Variants in C6orf132 observed in about 807,000 individuals in gnomAD.
C6orf132 encodes uncharacterized protein C6orf132.
Under a neutral mutation model 65.3 loss-of-function variants are expected in C6orf132, and 43 were observed. The observed-to-expected ratio is 0.66, with a 90% confidence interval of 0.52 to 0.85. The LOEUF is 0.85. Ranked by LOEUF, C6orf132 falls within the 40% of genes least tolerant of loss-of-function variation. The probability of loss-of-function intolerance (pLI) is 0.00; values close to 1 mark genes in which losing one functional copy is unlikely to be tolerated. For missense variants in C6orf132, 1,488 were observed against 1,548.8 expected (o/e 0.96, Z 0.66); for synonymous variants, 631 against 654.1 (o/e 0.96, Z 0.54).
At chr6:42,139,978 C>T (rs1020634302) in intron 1 of C6orf132, among the ~76,000 whole-genome samples, 36 of 152,228 alleles carry the variant, frequency 2.4e-4, no homozygotes, top group Admixed American at 1.8e-3. Context: ...GGCAGGGCTG[C>T]ACCTGCATCC....
At chr6:42,113,550 C>T (rs1225901757) in intron 2 of C6orf132, among the ~76,000 whole-genome samples, 1 of 152,220 alleles carries the variant, frequency 6.6e-6, no homozygotes, top group Non-Finnish European at 1.5e-5. Context: ...CATGGTGGCT[C>T]ACGCCTGTAA....
chr6:42,126,090 G>T (rs1378236341), intron 2 of C6orf132, among the ~76,000 whole-genome samples: 2 of 149,728 alleles, frequency 1.3e-5, no homozygotes, highest in African/African-American at 2.5e-5. Flanking sequence ...TTTGTTTTTT[G>T]TTTTTTTTTG....
intron 1 of C6orf132, among the ~76,000 whole-genome samples, chr6:42,134,200 GGTTCCA>G (rs1284666602): frequency 1.3e-5 from 2 of 152,210 alleles, no homozygotes; most frequent in Admixed American, 6.5e-5. Context: ...GCTGAACTTG[GGTTCCA>G]GTTCCGGCTC....
intron 2 of C6orf132, 89 bp from the exon 3 acceptor site, chr6:42,110,380 G>T: frequency 9.9e-7 from 1 of 1,015,016 alleles, no homozygotes; most frequent in South Asian, 1.7e-5. Context: ...TTTACTGCTT[G>T]AAAATCTGCA....
rs181353155 is a variant in C6orf132, at chr6:42,124,873, G to C, written c.252+3799C>G. On this transcript the variant is annotated intron_variant, in intron 2 of 4. Transcript: ENST00000341865. This position sits in a 1 kb window ranked among gnomAD's most constrained non-coding sequence, Gnocchi z 4.0. Reference sequence around the variant, plus strand: ...TCCCCTCCACCCGGGAGCAAGCGACGAACGACATGGAAGCTGCCCTATCTT... The same window carrying C: ...TCCCCTCCACCCGGGAGCAAGCGACCAACGACATGGAAGCTGCCCTATCTT... Among the ~76,000 whole-genome samples, 7 of 152,306 alleles carry C rather than the reference G, an allele frequency of 4.6e-5. No individual in the cohort carries two copies. In the East Asian group the frequency reaches 1.4e-3, roughly 29 times the overall value.
rs1766616967 is a variant in C6orf132 at position 42,118,372 on chromosome 6, G to A, written c.253-8081C>T. On this transcript the variant is annotated intron_variant, in intron 2 of 4. Transcript: ENST00000341865. ...CTGTTGGCCTCAGACACAGGGCTCT[G>A]ACTGCTGCAGTCAGCTGGGGAGCCT... Among the ~76,000 whole-genome samples, 4 of 152,164 alleles carry A rather than the reference G, an allele frequency of 2.6e-5. No individual in the cohort carries two copies. In the South Asian group the frequency reaches 8.3e-4, roughly 31 times the overall value.
At chr6:42,125,486 C>T (rs1274288824) in intron 2 of C6orf132, among the ~76,000 whole-genome samples, 2 of 152,168 alleles carry the variant, frequency 1.3e-5, no homozygotes, top group Non-Finnish European at 2.9e-5. Context: ...TGGCAAGTGG[C>T]TCCATCTGCC....
intron 1 of C6orf132, among the ~76,000 whole-genome samples, chr6:42,140,218 G>C (rs1239874851): frequency 6.6e-6 from 1 of 152,270 alleles, no homozygotes; most frequent in Non-Finnish European, 1.5e-5. Context: ...TTGGACTCCA[G>C]CTCTGCCCAG....
At chr6:42,121,698 T>A (rs1766686973) in intron 2 of C6orf132, among the ~76,000 whole-genome samples, 2 of 152,198 alleles carry the variant, frequency 1.3e-5, no homozygotes, top group South Asian at 4.1e-4. Context: ...GAATGCAAAC[T>A]TCCTCACCAG....
chr6:42,105,110 G>T lies in C6orf132; in HGVS notation c.2802C>A (p.Asn934Lys). Reference protein sequence around the residue: ...AEGTELSRRHNWTKPEPQAPV... With the variant: ...AEGTELSRRHKWTKPEPQAPV... ...GGGCCTGGGGCTCTGGCTTTGTCCA[G>T]TTGTGCCTGCGGCTCAGCTCTGTGC... The change falls in exon 4 of 5, where the codon AAC becomes AAA. Residue 934 changes from asparagine (N) to lysine (K), a missense_variant. Asn to Lys is a moderately conservative substitution (Grantham distance 94, BLOSUM62 0). Transcript: ENST00000341865. 6.5e-7 allele frequency: 1 copy of T among 1,537,036 alleles called. No homozygotes were observed. Among genetic ancestry groups the T allele is most frequent in the South Asian group, 1.2e-5 (1 of 84,056 alleles).
At chr6:42,132,874 G>T in intron 1 of C6orf132, among the ~76,000 whole-genome samples, 1 of 133,296 alleles carries the variant, frequency 7.5e-6, no homozygotes, top group South Asian at 2.2e-4. Context: ...AAAAAGAAAA[G>T]AAAAGAAAAG....
intron 1 of C6orf132, among the ~76,000 whole-genome samples, chr6:42,135,571 C>T (rs1766928351): frequency 1.3e-5 from 2 of 152,198 alleles, no homozygotes; most frequent in Non-Finnish European, 2.9e-5. Flanking sequence ...AATGTTCTTC[C>T]TCCCTCAGCC....
In C6orf132 at chr6:42,105,072, T is replaced by A; in HGVS notation, c.2840A>T (p.Glu947Val). 6.5e-7 allele frequency: 1 copy of A among 1,536,732 alleles called. No individual in the cohort carries two copies. Among genetic ancestry groups the A allele is most frequent in the Non-Finnish European group, 8.7e-7 (1 of 1,146,776 alleles). Reference sequence around the variant, plus strand: ...GGGGAGGTTGGAGGGAGCTACTCTTTCCCAGGCCACAGGGGCCTGGGGCTC... The same window carrying A: ...GGGGAGGTTGGAGGGAGCTACTCTTACCCAGGCCACAGGGGCCTGGGGCTC... ...KPEPQAPVAW[E>V]RVAPSNLPQG... Residue 947 changes from glutamate (E) to valine (V), a missense_variant, in exon 4 of 5, where the codon GAA (glutamate) becomes GTA (valine). By Grantham distance (121) the Glu-to-Val change is moderately radical (BLOSUM62 -2). Transcript: ENST00000341865.
At chr6:42,119,248 C>CAAAAAAAAAAAAAAAAAA (rs1156356191) in intron 2 of C6orf132, among the ~76,000 whole-genome samples, 1 of 44,776 alleles carries the variant, frequency 2.2e-5, no homozygotes, top group African/African-American at 9.8e-5. Context: ...GACTCTGTCT[C>CAAAAAAAAAAAAAAAAAA]AAAAAAAAAA....
In C6orf132 at chr6:42,106,374, TC is replaced by T; in HGVS notation, c.1537del (p.Glu513ArgfsTer4). The T allele has an allele frequency of 6.5e-7, 1 of 1,536,392 alleles. No individual in the cohort carries two copies. The highest frequency in any genetic ancestry group is 1.7e-4 in the Middle Eastern group (1 of 5,990). On this transcript the variant is annotated frameshift_variant, in exon 4 of 5. Transcript: ENST00000341865. LOFTEE classifies it high-confidence loss of function. ...CTTTGCTGGCAGGCTCAGGAGAGTCTCCTTCTCAGGCAGGCGGGGGCCCTTC... is the reference window on the plus strand; with the variant it reads ...CTTTGCTGGCAGGCTCAGGAGAGTCTCTTCTCAGGCAGGCGGGGGCCCTTC... ...GKKGPRLPEK[E>X]TLLSLPAKDT... is the part of the protein sequence containing the mutation.
At chr6:42,108,021 A>G (rs1277333044) in intron 3 of C6orf132, among the ~76,000 whole-genome samples, 4 of 152,042 alleles carry the variant, frequency 2.6e-5, no homozygotes, top group African/African-American at 2.4e-5. Context: ...CTCTCCCACT[A>G]TGTTCAGTCC....
chr6:42,101,843 G>A lies in C6orf132; in HGVS notation c.*1918C>T, dbSNP rs770248247. ...CCACCCCTGCACTTTCTTCCCTAAA[G>A]TGGCTCACCTGCTGTCCTGACAACC... On this transcript the variant is annotated 3_prime_UTR_variant, in exon 5 of 5. Coordinates refer to ENST00000341865, the MANE Select transcript of C6orf132 (RefSeq NM_001164446.3). 1 of 152,186 alleles carries A rather than the reference G, an allele frequency of 6.6e-6. No homozygotes were observed. Among genetic ancestry groups the A allele is most frequent in the Non-Finnish European group, 1.5e-5 (1 of 68,054 alleles). The allele number at this position is 152,186 out of a possible 1,614,324, so 9.4% of individuals were successfully genotyped here.
chr6:42,107,729 C>G, intron 3 of C6orf132, 146 bp from the exon 4 acceptor site: 1 of 1,005,820 alleles, frequency 9.9e-7, no homozygotes, highest in Non-Finnish European at 1.5e-6. Flanking sequence ...GGGAGCAGCC[C>G]TGTGTCCAGT....
In C6orf132 at chr6:42,106,701, G is replaced by A. The variant is rs1562033498; in HGVS notation, c.1211C>T (p.Pro404Leu). The A allele has an allele frequency of 6.7e-6, 9 of 1,348,170 alleles. No homozygotes were observed. The East Asian group carries it at 2.6e-4, about 38-fold the overall frequency. The allele number at this position is 1,348,170 out of a possible 1,614,324, so 83.5% of individuals were successfully genotyped here. Residue 404 changes from proline (P) to leucine (L), a missense_variant, in exon 4 of 5, where the codon CCT (proline) becomes CTT (leucine). Pro to Leu is a moderately conservative substitution (Grantham distance 98). Coordinates refer to ENST00000341865, the MANE Select transcript of C6orf132 (RefSeq NM_001164446.3). ...TGGGGGAAGTGGGGGTGCTGGGGGA[G>A]GGAGGGGGGGTGCAGGAGGGGGCAG... is the stretch of plus-strand genomic sequence containing the variant. ...PPLPPPAPPL[P>L]PPAPPLPPAA...
Sources: gnomAD v4.1 joint callset for allele counts (sites outside exome capture counted in the v4.1 genomes callset) on GRCh38, gnomAD v4.1.1 for gene constraint, Gnocchi (gnomAD v3.1) non-coding constraint, MANE v1.5 for transcripts, NCBI Gene and HGNC (gene_info 2026-07-23, HGNC 2026-07-21) for gene names.